Variants in DPF3 observed in about 807,000 individuals in gnomAD.
DPF3 encodes the protein zinc finger protein DPF3.
In DPF3, 18 loss-of-function variants were observed where a neutral mutation model predicts 56.8. The ratio of observed to expected loss-of-function variants is 0.32; its 90% CI spans 0.22 to 0.47. The LOEUF is 0.47. DPF3 is among the 20% of genes least tolerant of loss of function. The pLI is 1.00. For missense variants in DPF3, 403 were observed against 488.8 expected (o/e 0.82, Z 1.65); for synonymous variants, 188 against 180.2 (o/e 1.04, Z -0.35).
rs565003849 is a variant in DPF3, at chr14:72,866,619, G to A, written c.32+27438C>T. Among the ~76,000 whole-genome samples, 8 of 150,694 alleles carry A rather than the reference G, an allele frequency of 5.3e-5. No homozygotes were observed. In the South Asian group the frequency reaches 1.3e-3, roughly 24 times the overall value. On this transcript the variant is annotated intron_variant, in intron 1 of 10. Transcript: ENST00000556509. The stretch of plus-strand genomic sequence containing the variant: ...CGCCTATAATCCCAGCACTTTGGGA[G>A]GCCGAGGAGGGCGGATCACCTGAGG...
chr14:72,770,743 A>G (rs1891489142), intron 2 of DPF3, among the ~76,000 whole-genome samples: 1 of 152,228 alleles, frequency 6.6e-6, no homozygotes, highest in South Asian at 2.1e-4. Context: ...AATTTTTCCA[A>G]ATGAAACATT....
intron 4 of DPF3, among the ~76,000 whole-genome samples, chr14:72,729,220 C>G (rs1889534425): frequency 6.6e-6 from 1 of 152,010 alleles, no homozygotes; most frequent in Non-Finnish European, 1.5e-5. Flanking sequence ...TTCACTCCAG[C>G]CTGGGCGACA....
chr14:72,661,314 C>A, intron 8 of DPF3: 1 of 985,414 alleles, frequency 1.0e-6, no homozygotes, highest in Non-Finnish European at 1.2e-6. Flanking sequence ...CCTGAAAGGA[C>A]TGGCAGGAAG....
chr14:72,771,115 C>T (rs1415337870), intron 2 of DPF3, among the ~76,000 whole-genome samples: 1 of 151,106 alleles, frequency 6.6e-6, no homozygotes, highest in African/African-American at 2.4e-5. Context: ...GGCGGTGAGT[C>T]GAGATCGCAC....
intron 1 of DPF3, among the ~76,000 whole-genome samples, chr14:72,863,314 G>T (rs1179034960): frequency 1.3e-5 from 2 of 151,728 alleles, no homozygotes; most frequent in Non-Finnish European, 2.9e-5. Context: ...CCCAAAGCTG[G>T]AAACTGTGTG....
At chr14:72,679,470 C>T (rs1887062212) in intron 7 of DPF3, among the ~76,000 whole-genome samples, 1 of 152,268 alleles carries the variant, frequency 6.6e-6, no homozygotes, top group East Asian at 1.9e-4. Context: ...GCCCCAGCCC[C>T]AGCTGAGCAG....
intron 7 of DPF3, among the ~76,000 whole-genome samples, chr14:72,684,948 C>T (rs538343509): frequency 6.9e-4 from 105 of 152,260 alleles, no homozygotes; most frequent in Non-Finnish European, 1.2e-3. Context: ...CCCGTACACA[C>T]CAAAGAAAGG....
In DPF3 at chr14:72,887,202, G is replaced by A. The variant is rs145347503; in HGVS notation, c.32+6855C>T. 2.5e-3 allele frequency among the ~76,000 whole-genome samples: 330 copies of A among 131,632 alleles called. 3 individuals are homozygous for A. The highest frequency in any genetic ancestry group is 8.7e-3 in the African/African-American group (319 of 36,480). The allele number at this position is 131,632 out of a possible 152,430, so 86.4% of individuals were successfully genotyped here. On this transcript the variant is annotated intron_variant, in intron 1 of 10. Transcript: ENST00000556509. ...ACACACACACACACACACACAAAAGGAAGCAAAATACAGATGTTCTCAGTG... is the reference window on the plus strand; with the variant it reads ...ACACACACACACACACACACAAAAGAAAGCAAAATACAGATGTTCTCAGTG...
chr14:72,775,954 A>G (rs1485223314), intron 1 of DPF3, among the ~76,000 whole-genome samples: 1 of 151,952 alleles, frequency 6.6e-6, no homozygotes, highest in Non-Finnish European at 1.5e-5. Flanking sequence ...ACAGCAGAGG[A>G]CAAATGTCCT....
intron 1 of DPF3, among the ~76,000 whole-genome samples, chr14:72,772,387 A>G (rs1357033057): frequency 6.6e-6 from 1 of 152,218 alleles, no homozygotes; most frequent in Non-Finnish European, 1.5e-5. Context: ...GAAGAGAAAC[A>G]CTCCATATAA....
At chr14:72,857,462 G>A (rs960358659) in intron 1 of DPF3, among the ~76,000 whole-genome samples, 21 of 152,128 alleles carry the variant, frequency 1.4e-4, no homozygotes, top group East Asian at 3.8e-4. Flanking sequence ...GATAATCCCC[G>A]AAGATTAAGA....
chr14:72,893,099 C>T (rs1207715110), intron 1 of DPF3, among the ~76,000 whole-genome samples: 1 of 152,202 alleles, frequency 6.6e-6, no homozygotes, highest in African/African-American at 2.4e-5. Context: ...AGTCCTCGCC[C>T]GGCCCGCCCC....
rs746913388 is a variant in DPF3, at chr14:72,619,350, A to C, written c.1084T>G (p.Leu362Val). The change falls in exon 11 of 11, where the codon TTA (leucine) becomes GTA (valine). Residue 362 changes from leucine (L) to valine (V), a missense_variant. By Grantham distance (32) the Leu-to-Val change is conservative. Transcript: ENST00000556509. ...EPPEGSWSCH[L>V]CWELLKEKAS... ...TTCTCTTTGAGCAGTTCCCAGCATA[A>C]GTGGCAGCTCCAGCTTCCTGCAAGA... 2.0e-6 allele frequency: 3 copies of C among 1,536,142 alleles called. No homozygotes were observed. Among genetic ancestry groups the C allele is most frequent in the Middle Eastern group, 3.3e-4 (2 of 5,990 alleles).
At chr14:72,678,168 G>A (rs969769209) in intron 7 of DPF3, among the ~76,000 whole-genome samples, 8 of 152,126 alleles carry the variant, frequency 5.3e-5, no homozygotes, top group Non-Finnish European at 1.0e-4. Flanking sequence ...TGGGCTCTTC[G>A]AAGGCAGGTT....
At chr14:72,856,112 G>A (rs1299136846) in intron 1 of DPF3, among the ~76,000 whole-genome samples, 1 of 152,182 alleles carries the variant, frequency 6.6e-6, no homozygotes, top group Non-Finnish European at 1.5e-5. Flanking sequence ...CAATAGCTTT[G>A]GGCAGGGCAC....
chr14:72,620,060 A>C lies in DPF3; in HGVS notation c.985-76T>G. ...GCCAATGTCTGGCCCCCGCTTACCCATCAGCCTTATTTCCACGTCGGTCTC... is the reference window on the plus strand; with the variant it reads ...GCCAATGTCTGGCCCCCGCTTACCCCTCAGCCTTATTTCCACGTCGGTCTC... On this transcript the variant is annotated intron_variant, in intron 9 of 10. Coordinates refer to ENST00000556509, the MANE Select transcript of DPF3 (RefSeq NM_001280542.3). 2.3e-5 allele frequency: 32 copies of C among 1,415,442 alleles called. 1 individual carries two copies. The highest frequency in any genetic ancestry group is 3.0e-5 in the Non-Finnish European group (32 of 1,069,582). 87.7% of individuals were successfully genotyped at this position (1,415,442 alleles called of 1,614,324 possible).
rs1032335024 is a variant in DPF3 at position 72,610,717 on chromosome 14, TG to T, written c.*8579del. 2.0e-5 allele frequency among the ~76,000 whole-genome samples: 3 copies of T among 152,114 alleles called. No individual in the cohort carries two copies. ...GCCTGAGAGCGCGCTCAAGGGCAGG[TG>T]GGAGATGGAGCCTTCTCAGAGCTCA... On this transcript the variant is annotated 3_prime_UTR_variant, in exon 11 of 11. Transcript: ENST00000556509.
rs1352002818 is a variant in DPF3 at position 72,768,939 on chromosome 14, G to GTGTC, written c.193+2793_193+2794insGACA. On this transcript the variant is annotated intron_variant, in intron 2 of 10. Coordinates refer to ENST00000556509, the MANE Select transcript of DPF3 (RefSeq NM_001280542.3). ...TGATACTGTGTGTGAGTGTCTGTGT[G>GTGTC]TGTGTGTGTGTGTGTGTGTGTGTGT... Among the ~76,000 whole-genome samples the GTGTC allele has an allele frequency of 4.2e-4, 36 of 86,506 alleles. 1 individual carries two copies. The highest frequency in any genetic ancestry group is 1.3e-3 in the African/African-American group (35 of 27,594). The allele number at this position is 86,506 out of a possible 152,430, so 56.8% of individuals were successfully genotyped here.
chr14:72,717,444 C>G (rs575677757), intron 5 of DPF3, among the ~76,000 whole-genome samples: 18 of 152,272 alleles, frequency 1.2e-4, no homozygotes, highest in African/African-American at 4.1e-4. Flanking sequence ...TCATTTCCCC[C>G]CTCCTTGCCT....
Sources: allele counts gnomAD v4.1 joint callset (sites outside exome capture counted in the v4.1 genomes callset), GRCh38; gene constraint gnomAD v4.1.1; transcripts MANE v1.5; gene names NCBI Gene and HGNC (gene_info 2026-07-23, HGNC 2026-07-21).